The following NXT1 variants were observed in gnomAD, a reference collection of about 807,000 sequenced individuals.
NXT1 encodes NTF2-related export protein 1.
In NXT1, 3 loss-of-function variants were observed where a neutral mutation model predicts 9.9. The ratio of observed to expected loss-of-function variants is 0.30; its 90% CI spans 0.14 to 0.79. The LOEUF is 0.79. Among genes scored for constraint, NXT1 ranks in the 30% least tolerant of loss-of-function variants. NXT1 has a pLI of 0.63. For missense variants in NXT1, 91 were observed against 178.2 expected, an observed-to-expected ratio of 0.51 and a Z score of 2.79; for synonymous variants, 53 against 66.5, an observed-to-expected ratio of 0.80 and a Z score of 0.99.
In NXT1 at chr20:23,353,806, C is replaced by G. The variant is rs140063279; in HGVS notation, c.-61-175C>G. On this transcript the variant is annotated intron_variant, in intron 1 of 1. Coordinates refer to ENST00000254998, the MANE Select transcript of NXT1 (RefSeq NM_013248.3). ...TAATCCCATCTTAACAGTGAGCAAA[C>G]TGAGTCTTAGTAAAATTAGGCATTT... Among the ~76,000 whole-genome samples the G allele has an allele frequency of 4.3e-3, 655 of 152,252 alleles. 12 individuals carry two copies. Among genetic ancestry groups the G allele is most frequent in the Non-Finnish European group, 4.2e-3 (283 of 68,012 alleles).
chr20:23,353,740 A>G (rs73319497), intron 1 of NXT1, among the ~76,000 whole-genome samples: 2,999 of 152,350 alleles, frequency 0.02, 65 homozygotes, highest in South Asian at 0.086. Context: ...ATGTTTTTAA[A>G]CTAAACACTT....
rs757619720 is a variant in NXT1 at position 23,354,286 on chromosome 20, A to G, written c.245A>G (p.Asp82Gly). 6 of 1,614,176 alleles carry G rather than the reference A, an allele frequency of 3.7e-6. No individual in the cohort carries two copies. The Admixed American group carries it at 8.3e-5, about 22-fold the overall frequency. ...GTGGTAGACTGCCAGCCTGTTCATG[A>G]TGAAGCCACACCAAGCCAGACCACG... Reference protein sequence around the residue: ...ISVVDCQPVHDEATPSQTTVL... With the variant: ...ISVVDCQPVHGEATPSQTTVL... The change falls in exon 2 of 2, where the codon GAT (aspartate) becomes GGT (glycine). Residue 82 changes from aspartate (D) to glycine (G), a missense_variant. Asp to Gly is a moderately conservative substitution (Grantham distance 94, BLOSUM62 -1). Transcript: ENST00000254998.
intron 1 of NXT1, among the ~76,000 whole-genome samples, chr20:23,352,167 A>G (rs1027648735): frequency 6.6e-6 from 1 of 152,198 alleles, no homozygotes; most frequent in Non-Finnish European, 1.5e-5. Context: ...ATGAAGGTAT[A>G]TAGGAGGATG....
At chr20:23,351,358 C>A (rs1238476341) in intron 1 of NXT1, 2 of 152,290 alleles carry the variant, frequency 1.3e-5, no homozygotes, top group African/African-American at 4.8e-5. Context: ...ACTGTGGTAG[C>A]TTTTCCCGTC....
chr20:23,353,181 A>G (rs1464889713), intron 1 of NXT1, among the ~76,000 whole-genome samples: 1 of 152,064 alleles, frequency 6.6e-6, no homozygotes, highest in Middle Eastern at 3.2e-3. Context: ...GTGGCCTTCC[A>G]TACTCAAATG....
chr20:23,354,617 T>C lies in NXT1; in HGVS notation c.*153T>C, dbSNP rs1238987255. On this transcript the variant is annotated 3_prime_UTR_variant, in exon 2 of 2. Transcript: ENST00000254998. ...GTGCCGAGGTTGAACTCTTTTTTGTTGCTCAAGTTCTAGGAGTCCCTTTCC... is the reference window on the plus strand; with the variant it reads ...GTGCCGAGGTTGAACTCTTTTTTGTCGCTCAAGTTCTAGGAGTCCCTTTCC... 1 of 825,866 alleles carries C rather than the reference T, an allele frequency of 1.2e-6. No homozygotes were observed. Among genetic ancestry groups the C allele is most frequent in the Non-Finnish European group, 1.9e-6 (1 of 533,470 alleles). The allele number at this position is 825,866 out of a possible 1,614,324, so 51.2% of individuals were successfully genotyped here.
At chr20:23,353,709 T>C (rs1385532858) in intron 1 of NXT1, among the ~76,000 whole-genome samples, 2 of 152,196 alleles carry the variant, frequency 1.3e-5, no homozygotes, top group African/African-American at 2.4e-5. Context: ...CCCTCAGATA[T>C]GGAGTGCTGA....
chr20:23,354,549 A>C lies in NXT1; in HGVS notation c.*85A>C. 4 of 1,439,988 alleles carry C rather than the reference A, an allele frequency of 2.8e-6. No individual in the cohort carries two copies. Among genetic ancestry groups the C allele is most frequent in the Non-Finnish European group, 3.7e-6 (4 of 1,070,520 alleles). The allele number at this position is 1,439,988 out of a possible 1,614,324, so 89.2% of individuals were successfully genotyped here. ...CTCGACTCTCAAGGATGTGAGGAACACAAGTTCATTTCTGTTGTTGCGGAG... is the reference window on the plus strand; with the variant it reads ...CTCGACTCTCAAGGATGTGAGGAACCCAAGTTCATTTCTGTTGTTGCGGAG... On this transcript the variant is annotated 3_prime_UTR_variant, in exon 2 of 2. Transcript: ENST00000254998.
chr20:23,351,879 T>TG (rs1395015648), intron 1 of NXT1, among the ~76,000 whole-genome samples: 1 of 152,226 alleles, frequency 6.6e-6, no homozygotes, highest in Non-Finnish European at 1.5e-5. Flanking sequence ...TTTGTAAAAT[T>TG]GTTATAGTAA....
rs886257065 is a variant in NXT1 at position 23,350,946 on chromosome 20, G to A, written c.-177G>A. The A allele has an allele frequency of 1.3e-5, 2 of 152,118 alleles. No homozygotes were observed. The highest frequency in any genetic ancestry group is 2.9e-5 in the Non-Finnish European group (2 of 68,034). The allele number at this position is 152,118 out of a possible 1,614,324, so 9.4% of individuals were successfully genotyped here. A position where few individuals can be genotyped will look rare whatever the true frequency, so the allele number is the denominator to read the frequency against. ...TTCCCGTGCCCCTACCAGAGGCTTCGGTGGGCCCACCTTGTGACCTCCGCG... is the reference window on the plus strand; with the variant it reads ...TTCCCGTGCCCCTACCAGAGGCTTCAGTGGGCCCACCTTGTGACCTCCGCG... On this transcript the variant is annotated 5_prime_UTR_variant, in exon 1 of 2. Coordinates refer to ENST00000254998, the MANE Select transcript of NXT1 (RefSeq NM_013248.3).
chr20:23,354,479 G>T lies in NXT1; in HGVS notation c.*15G>T. The T allele has an allele frequency of 2.5e-6, 4 of 1,604,424 alleles. No individual in the cohort carries two copies. The highest frequency in any genetic ancestry group is 3.4e-6 in the Non-Finnish European group (4 of 1,175,162). ...GGGCCAGCTAGTGGGGGTGGCAGAGGTCTCTTTGCTTCATTCAGCCCTAGC... is the reference window on the plus strand; with the variant it reads ...GGGCCAGCTAGTGGGGGTGGCAGAGTTCTCTTTGCTTCATTCAGCCCTAGC... On this transcript the variant is annotated 3_prime_UTR_variant, in exon 2 of 2. Coordinates refer to ENST00000254998, the MANE Select transcript of NXT1 (RefSeq NM_013248.3).
At chr20:23,351,383 C>T (rs530564016) in intron 1 of NXT1, 24 of 152,380 alleles carry the variant, frequency 1.6e-4, no homozygotes, top group Admixed American at 1.0e-3. Context: ...TCCGGACACT[C>T]GACGGTGTGG....
At chr20:23,351,765 T>G (rs955144125) in intron 1 of NXT1, among the ~76,000 whole-genome samples, 2 of 152,236 alleles carry the variant, frequency 1.3e-5, no homozygotes, top group Non-Finnish European at 2.9e-5. Flanking sequence ...AGGACAGCGT[T>G]GTATTGACAA....
intron 1 of NXT1, chr20:23,351,528 C>T (rs567032254): frequency 5.9e-5 from 9 of 152,260 alleles, no homozygotes; most frequent in Admixed American, 6.5e-5. Flanking sequence ...GATGGTCCTT[C>T]TATGGTGTGT....
chr20:23,353,619 A>G (rs6132600), intron 1 of NXT1, among the ~76,000 whole-genome samples: 11,296 of 152,292 alleles, frequency 0.074, 644 homozygotes, highest in East Asian at 0.29. Context: ...GACTGTCACA[A>G]AAACAAAATG....
rs1980361365 is a variant in NXT1, at chr20:23,354,710, C to T, written c.*246C>T. The T allele has an allele frequency of 1.2e-5, 6 of 506,240 alleles. No homozygotes were observed. Among genetic ancestry groups the T allele is most frequent in the African/African-American group, 2.0e-5 (1 of 51,162 alleles). The allele number at this position is 506,240 out of a possible 1,614,324, so 31.4% of individuals were successfully genotyped here. A position where few individuals can be genotyped will look rare whatever the true frequency, so the allele number is the denominator to read the frequency against. On this transcript the variant is annotated 3_prime_UTR_variant, in exon 2 of 2. Coordinates refer to ENST00000254998, the MANE Select transcript of NXT1 (RefSeq NM_013248.3). The stretch of plus-strand genomic sequence containing the variant: ...AAACTTTTCTATTTTTCTACTTGCC[C>T]AGTAGAGACTCTGATTCTGGAAATT...
In NXT1 at chr20:23,354,494, T is replaced by C. The variant is rs113253216; in HGVS notation, c.*30T>C. 6.3e-7 allele frequency: 1 copy of C among 1,596,720 alleles called. No homozygotes were observed. Among genetic ancestry groups the C allele is most frequent in the African/African-American group, 1.3e-5 (1 of 74,792 alleles). On this transcript the variant is annotated 3_prime_UTR_variant, in exon 2 of 2. Coordinates refer to ENST00000254998, the MANE Select transcript of NXT1 (RefSeq NM_013248.3). The stretch of plus-strand genomic sequence containing the variant: ...GGTGGCAGAGGTCTCTTTGCTTCAT[T>C]CAGCCCTAGCTCTGTAGAGAAATGC...
rs1427803840 is a variant in NXT1 at position 23,350,889 on chromosome 20, CAAG to C, written c.-230_-228del. ...GCCCCGGTGACCCAGAGTAAGCCTC[CAAG>C]AAGGAGGAGGAGGAGAGAAAGGCGG... On this transcript the variant is annotated 5_prime_UTR_variant, in exon 1 of 2. Transcript: ENST00000254998. 6.6e-6 allele frequency: 1 copy of C among 152,158 alleles called. No homozygotes were observed. The highest frequency in any genetic ancestry group is 6.5e-5 in the Admixed American group (1 of 15,284). 9.4% of individuals were successfully genotyped at this position (152,158 alleles called of 1,614,324 possible).
Position 23,353,984 on chromosome 20 carries a change from C to T in NXT1, c.-58C>T. 1 of 1,546,042 alleles carries T rather than the reference C, an allele frequency of 6.5e-7. No homozygotes were observed. The highest frequency in any genetic ancestry group is 8.8e-7 in the Non-Finnish European group (1 of 1,136,572). ...CTTCAACCTTACTTCCCTGCAGCCCCTGGTTCCCCAAGGCAGAGGAAATAC... is the reference window on the plus strand; with the variant it reads ...CTTCAACCTTACTTCCCTGCAGCCCTTGGTTCCCCAAGGCAGAGGAAATAC... On this transcript the variant is annotated 5_prime_UTR_variant, in exon 2 of 2. Transcript: ENST00000254998.
Sources: allele counts gnomAD v4.1 joint callset (sites outside exome capture counted in the v4.1 genomes callset), GRCh38; gene constraint gnomAD v4.1.1; transcripts MANE v1.5; gene names NCBI Gene and HGNC (gene_info 2026-07-23, HGNC 2026-07-21).